CCDC102B: variants seen among roughly 807,000 people sequenced by gnomAD.
CCDC102B encodes the protein coiled-coil domain-containing protein 102B.
Under a neutral mutation model 57.4 loss-of-function variants are expected in CCDC102B, and 75 were observed. That is an observed-to-expected ratio of 1.31 (90% CI 1.08 to 1.58). The LOEUF is 1.58. Among genes scored for constraint, CCDC102B ranks in the 40% most tolerant of loss-of-function variants. The pLI, the probability that CCDC102B is intolerant of heterozygous loss-of-function variation, is 0.00. For synonymous variants in CCDC102B, 206 were observed against 201.9 expected (o/e 1.02, Z -0.17); for missense variants, 636 against 582.6 (o/e 1.09, Z -0.94).
chr18:68,736,462 C>A (rs973944445), intron 2 of CCDC102B, among the ~76,000 whole-genome samples: 2 of 152,150 alleles, frequency 1.3e-5, no homozygotes, highest in Admixed American at 6.5e-5. Flanking sequence ...GTATTCTGAT[C>A]AAAACCATTA....
chr18:68,860,280 T>C (rs369437524), intron 4 of CCDC102B, among the ~76,000 whole-genome samples: 30 of 50,812 alleles, frequency 5.9e-4, no homozygotes, highest in African/African-American at 1.5e-3. Context: ...GGAAGGGGAA[T>C]ATCACACTCT....
intron 7 of CCDC102B, among the ~76,000 whole-genome samples, chr18:69,024,204 C>T (rs545523504): frequency 1.3e-5 from 2 of 152,072 alleles, no homozygotes; most frequent in South Asian, 2.1e-4. Context: ...ACTAGTTACA[C>T]CAGTGATATT....
intron 4 of CCDC102B, among the ~76,000 whole-genome samples, chr18:68,865,027 C>G (rs1942297): frequency 0.34 from 51,966 of 151,668 alleles, 9,819 homozygotes; most frequent in African/African-American, 0.5. Context: ...TTGAAGGAAG[C>G]TTTGTGTTTT....
At chr18:68,949,197 T>C (rs1451010149) in intron 6 of CCDC102B, among the ~76,000 whole-genome samples, 1 of 152,154 alleles carries the variant, frequency 6.6e-6, no homozygotes, top group Non-Finnish European at 1.5e-5. Flanking sequence ...AATGCTAGTC[T>C]CTTTTGGTAA....
intron 7 of CCDC102B, among the ~76,000 whole-genome samples, chr18:69,017,255 A>G (rs973160301): frequency 5.9e-5 from 9 of 152,086 alleles, no homozygotes; most frequent in East Asian, 3.9e-4. Flanking sequence ...AGCTGGGATT[A>G]TAGGTGCTTG....
chr18:68,733,478 T>TTATATATATATATATA (rs1301629816), intron 2 of CCDC102B, among the ~76,000 whole-genome samples: 37 of 25,136 alleles, frequency 1.5e-3, no homozygotes, highest in African/African-American at 5.8e-3. Flanking sequence ...TTAGACAACT[T>TTATATATATATATATA]TATATATATA....
intron 7 of CCDC102B, among the ~76,000 whole-genome samples, chr18:69,042,156 G>C (rs1021077229): frequency 1.3e-5 from 2 of 152,008 alleles, no homozygotes; most frequent in Non-Finnish European, 2.9e-5. Flanking sequence ...AAACTGGGAA[G>C]TTCTCTTTTT....
chr18:68,752,035 G>A (rs987918023), intron 2 of CCDC102B, among the ~76,000 whole-genome samples: 2 of 152,156 alleles, frequency 1.3e-5, no homozygotes, highest in African/African-American at 4.8e-5. Flanking sequence ...GCCAAGGCGG[G>A]CAGATCACGA....
Position 68,974,688 on chromosome 18 carries a change from G to GTT in CCDC102B, c.1264-36245_1264-36244dup, listed in dbSNP as rs2050387810. Among the ~76,000 whole-genome samples, 6 of 151,874 alleles carry GTT rather than the reference G, an allele frequency of 4.0e-5. No homozygotes were observed. In the South Asian group the frequency reaches 1.2e-3, roughly 32 times the overall value. On this transcript the variant is annotated intron_variant, in intron 6 of 7. Coordinates refer to ENST00000360242, the MANE Select transcript of CCDC102B (RefSeq NM_024781.3). ...AAATACTAAAAGCATTATTTGAAAT[G>GTT]TTAAAATAATACTAAATTTTAAAGT...
At chr18:68,760,633 A>G (rs2034222878) in intron 2 of CCDC102B, among the ~76,000 whole-genome samples, 1 of 152,098 alleles carries the variant, frequency 6.6e-6, no homozygotes, top group African/African-American at 2.4e-5. Flanking sequence ...GCCCAGTGTC[A>G]CATTGTCACT....
chr18:68,899,701 A>G (rs553934910), intron 6 of CCDC102B: 2 of 152,292 alleles, frequency 1.3e-5, no homozygotes, highest in East Asian at 3.9e-4. Flanking sequence ...ATTGTAAAAA[A>G]TATGTTAGGT....
chr18:68,730,911 G>T (rs544321365), intron 2 of CCDC102B, among the ~76,000 whole-genome samples: 1 of 152,148 alleles, frequency 6.6e-6, no homozygotes, highest in Non-Finnish European at 1.5e-5. Context: ...CTGATATCTT[G>T]ATCTTCTTTG....
intron 6 of CCDC102B, chr18:68,899,991 C>T (rs1427595587): frequency 1.3e-5 from 2 of 151,990 alleles, no homozygotes; most frequent in African/African-American, 2.4e-5. Context: ...TTAAAAAATG[C>T]AATAATACAC....
intron 7 of CCDC102B, among the ~76,000 whole-genome samples, chr18:69,038,921 A>C (rs1459769918): frequency 6.6e-6 from 1 of 151,996 alleles, no homozygotes; most frequent in Non-Finnish European, 1.5e-5. Flanking sequence ...CGAGTGGCTC[A>C]ATGTTTGATT....
intron 6 of CCDC102B, among the ~76,000 whole-genome samples, chr18:68,964,442 A>C (rs1250933599): frequency 6.6e-6 from 1 of 150,946 alleles, no homozygotes; most frequent in African/African-American, 2.4e-5. Flanking sequence ...TTGGATGAAA[A>C]GGTTTTTGCT....
At chr18:69,013,363 G>A (rs554573554) in intron 7 of CCDC102B, among the ~76,000 whole-genome samples, 2 of 152,028 alleles carry the variant, frequency 1.3e-5, no homozygotes, top group Admixed American at 6.6e-5. Context: ...GACAGACAAT[G>A]GCGACTCGGA....
At chr18:68,911,043 GA>G (rs2040825429) in intron 6 of CCDC102B, among the ~76,000 whole-genome samples, 1 of 152,058 alleles carries the variant, frequency 6.6e-6, no homozygotes, top group Non-Finnish European at 1.5e-5. Flanking sequence ...CTCAAAGGCT[GA>G]AAAACAGAAC....
At chr18:68,776,188 C>T (rs796544855) in intron 2 of CCDC102B, among the ~76,000 whole-genome samples, 26 of 152,168 alleles carry the variant, frequency 1.7e-4, no homozygotes, top group African/African-American at 6.3e-4. Context: ...TTTTCAAGTT[C>T]ACTAATTGTC....
intron 6 of CCDC102B, among the ~76,000 whole-genome samples, chr18:68,905,683 C>T (rs2040604988): frequency 6.6e-6 from 1 of 152,002 alleles, no homozygotes; most frequent in African/African-American, 2.4e-5. Context: ...CCTCCCTCCC[C>T]TAAGCTCCTA....
Sources: gnomAD v4.1 joint callset for allele counts (sites outside exome capture counted in the v4.1 genomes callset) on GRCh38, gnomAD v4.1.1 for gene constraint, MANE v1.5 for transcripts, NCBI Gene and HGNC (gene_info 2026-07-23, HGNC 2026-07-21) for gene names.